The following SLCO4C1 variants were observed in gnomAD, a reference collection of about 807,000 sequenced individuals.
SLCO4C1 encodes the protein solute carrier organic anion transporter family member 4C1, also known as organic anion transporter M1.
A neutral mutation model predicts 72.1 loss-of-function variants in SLCO4C1; 58 were observed. The ratio of observed to expected loss-of-function variants is 0.80; its 90% CI spans 0.65 to 1.00. The LOEUF is 1.00. Among genes scored for constraint, SLCO4C1 ranks in the 50% least tolerant of loss-of-function variants. SLCO4C1 has a pLI of 0.00. For synonymous variants in SLCO4C1, 297 were observed against 312.5 expected, an observed-to-expected ratio of 0.95 and a Z score of 0.52; for missense variants, 898 against 857.9, an observed-to-expected ratio of 1.05 and a Z score of -0.58.
At chr5:102,248,103 T>C (rs575652302) in intron 9 of SLCO4C1, among the ~76,000 whole-genome samples, 1 of 152,116 alleles carries the variant, frequency 6.6e-6, no homozygotes, top group African/African-American at 2.4e-5. Context: ...AGAACAGTAT[T>C]TTCTATCCTA....
At chr5:102,262,643 T>TC (rs1429604739) in intron 4 of SLCO4C1, among the ~76,000 whole-genome samples, 1 of 152,028 alleles carries the variant, frequency 6.6e-6, no homozygotes, top group Non-Finnish European at 1.5e-5. Context: ...CCTCAAGTGA[T>TC]CCTTACACTT....
intron 3 of SLCO4C1, among the ~76,000 whole-genome samples, chr5:102,268,992 T>C (rs1208676809): frequency 6.6e-5 from 10 of 152,002 alleles, no homozygotes; most frequent in African/African-American, 2.2e-4. Context: ...TTCTTAAATA[T>C]ATCATCCAAT....
intron 5 of SLCO4C1, among the ~76,000 whole-genome samples, chr5:102,261,383 G>A (rs1748940499): frequency 6.6e-6 from 1 of 151,898 alleles, no homozygotes; most frequent in African/African-American, 2.4e-5. Context: ...CTGCACTCCA[G>A]TCTGGGCAAC....
intron 12 of SLCO4C1, 104 bp downstream of exon 12, chr5:102,239,147 A>T: frequency 1.9e-6 from 2 of 1,032,404 alleles, no homozygotes; most frequent in Non-Finnish European, 2.7e-6. Flanking sequence ...AACAATGTGG[A>T]CTGAACATTT....
chr5:102,251,914 T>C (rs1286545955), intron 8 of SLCO4C1, among the ~76,000 whole-genome samples: 2 of 151,840 alleles, frequency 1.3e-5, no homozygotes, highest in Non-Finnish European at 2.9e-5. Flanking sequence ...GAATTATATT[T>C]AAAAGAAAGA....
chr5:102,252,402 C>T (rs573026942), intron 8 of SLCO4C1, among the ~76,000 whole-genome samples: 22 of 152,272 alleles, frequency 1.4e-4, no homozygotes, highest in African/African-American at 5.3e-4. Flanking sequence ...ACTCTGCCTG[C>T]AGTCTCATCT....
intron 2 of SLCO4C1, among the ~76,000 whole-genome samples, chr5:102,283,891 G>A (rs1749401455): frequency 6.6e-6 from 1 of 151,798 alleles, no homozygotes; most frequent in South Asian, 2.1e-4. Context: ...AATTTTCTTA[G>A]AAGCACTGAA....
chr5:102,255,097 A>ATATATATAT (rs879640548), intron 8 of SLCO4C1, among the ~76,000 whole-genome samples: 1 of 152,200 alleles, frequency 6.6e-6, no homozygotes, highest in African/African-American at 2.4e-5. Context: ...CTATATACAC[A>ATATATATAT]CACATACATA....
intron 12 of SLCO4C1, among the ~76,000 whole-genome samples, chr5:102,238,698 A>G (rs1375854527): frequency 6.6e-6 from 1 of 152,174 alleles, no homozygotes; most frequent in Non-Finnish European, 1.5e-5. Context: ...ACTAGTGTAA[A>G]CTAGATACAT....
intron 8 of SLCO4C1, among the ~76,000 whole-genome samples, chr5:102,256,798 A>T (rs768417470): frequency 2.8e-4 from 43 of 152,348 alleles, no homozygotes; most frequent in African/African-American, 3.4e-4. Flanking sequence ...CAATAAAAGC[A>T]TATAATGTGA....
chr5:102,252,273 T>C (rs942432920), intron 8 of SLCO4C1, among the ~76,000 whole-genome samples: 2 of 151,978 alleles, frequency 1.3e-5, no homozygotes, highest in Admixed American at 6.6e-5. Context: ...TGTTGGAAAA[T>C]GATGACATAC....
intron 2 of SLCO4C1, among the ~76,000 whole-genome samples, chr5:102,285,971 G>A (rs2112396923): frequency 6.6e-6 from 1 of 151,984 alleles, no homozygotes; most frequent in Admixed American, 6.6e-5. Context: ...TCAAATCTAG[G>A]CAAGCATTCC....
chr5:102,237,191 C>T (rs1234946538), intron 12 of SLCO4C1, among the ~76,000 whole-genome samples, 173 bp from the exon 13 acceptor site: 1 of 152,152 alleles, frequency 6.6e-6, no homozygotes, highest in Non-Finnish European at 1.5e-5. Context: ...CATTTGTATA[C>T]AATTCAAGTC....
chr5:102,265,072 G>T (rs572744886), intron 3 of SLCO4C1, among the ~76,000 whole-genome samples: 1 of 151,902 alleles, frequency 6.6e-6, no homozygotes, highest in Admixed American at 6.6e-5. Flanking sequence ...TGTGGGAAGC[G>T]CTACAATAAC....
At chr5:102,264,071 T>A (rs756344732) in intron 3 of SLCO4C1, among the ~76,000 whole-genome samples, 26 of 152,100 alleles carry the variant, frequency 1.7e-4, no homozygotes, top group Non-Finnish European at 3.1e-4. Flanking sequence ...CTACCATTTA[T>A]CCTTTACTGA....
At chr5:102,237,081 A>G in intron 12 of SLCO4C1, 63 bp from the exon 13 acceptor site, 1 of 1,433,534 alleles carries the variant, frequency 7.0e-7, no homozygotes, top group Non-Finnish European at 9.3e-7. Flanking sequence ...ATTATCACTG[A>G]GAAAAATCTT....
chr5:102,286,367 C>T (rs1346783938), intron 2 of SLCO4C1, among the ~76,000 whole-genome samples: 1 of 151,926 alleles, frequency 6.6e-6, no homozygotes, highest in African/African-American at 2.4e-5. Context: ...CTCAAAGAGA[C>T]ATAAAGATTA....
chr5:102,264,755 C>T (rs1749004319), intron 3 of SLCO4C1, among the ~76,000 whole-genome samples: 1 of 151,968 alleles, frequency 6.6e-6, no homozygotes, highest in South Asian at 2.1e-4. Context: ...TATCCATTAA[C>T]AAATCTCTCC....
At position 102,253,935 on chromosome 5, in the gene SLCO4C1, T is replaced by C. The variant is rs540482912; in HGVS notation, c.1469+3180A>G. Among the ~76,000 whole-genome samples, 7 of 145,026 alleles carry C rather than the reference T, an allele frequency of 4.8e-5. No homozygotes were observed. The East Asian group carries it at 1.2e-3, about 25-fold the overall frequency. On this transcript the variant is annotated intron_variant, in intron 8 of 12. Coordinates refer to ENST00000310954, the MANE Select transcript of SLCO4C1 (RefSeq NM_180991.5). ...CAAATCTGCACATGTACCCCCTGAA[T>C]CTAAAAGTTGAAATTATTTATATAT...
Sources: gnomAD v4.1 joint callset for allele counts (sites outside exome capture counted in the v4.1 genomes callset) on GRCh38, gnomAD v4.1.1 for gene constraint, MANE v1.5 for transcripts, NCBI Gene and HGNC (gene_info 2026-07-23, HGNC 2026-07-21) for gene names.